The following NHSL1 variants were observed in gnomAD, a reference collection of about 807,000 sequenced individuals.
NHSL1 encodes the protein NHS-like protein 1.
In NHSL1, 48 loss-of-function variants were observed where a neutral mutation model predicts 95.0. That is an observed-to-expected ratio of 0.51 (90% CI 0.40 to 0.64). The LOEUF (loss-of-function observed/expected upper bound fraction) is 0.64, where lower values mean the gene tolerates loss of function less well. Among genes scored for constraint, NHSL1 ranks in the 30% least tolerant of loss-of-function variants. The probability of loss-of-function intolerance (pLI) is 0.00; values close to 1 mark genes in which losing one functional copy is unlikely to be tolerated. For missense variants in NHSL1, 1,971 were observed against 2,077.7 expected, an observed-to-expected ratio of 0.95 and a Z score of 1.00; for synonymous variants, 783 against 833.9, an observed-to-expected ratio of 0.94 and a Z score of 1.05.
In NHSL1 at chr6:138,437,315, T is replaced by C. The variant is rs199670558; in HGVS notation, c.665-3635A>G. 1.1e-3 allele frequency among the ~76,000 whole-genome samples: 77 copies of C among 70,718 alleles called. 3 individuals carry two copies. Among genetic ancestry groups the C allele is most frequent in the African/African-American group, 2.3e-3 (36 of 15,788 alleles). The allele number at this position is 70,718 out of a possible 152,430, so 46.4% of individuals were successfully genotyped here. ...ACAAATGTATATATATATATATATA[T>C]ATATACACACACACATATATATATA... On this transcript the variant is annotated intron_variant, in intron 5 of 7. Transcript: ENST00000343505.
At chr6:138,564,067 A>T (rs1030410348) in intron 1 of NHSL1, among the ~76,000 whole-genome samples, 8 of 150,610 alleles carry the variant, frequency 5.3e-5, no homozygotes, top group African/African-American at 1.5e-4. Context: ...CCCTGATCAA[A>T]TTTTTTTTTT....
chr6:138,576,425 G>A (rs949830448), upstream of NHSL1, among the ~76,000 whole-genome samples: 1 of 152,302 alleles, frequency 6.6e-6, no homozygotes, highest in Non-Finnish European at 1.5e-5. Flanking sequence ...GTCCCCATGT[G>A]AGACAGACGT....
chr6:138,424,868 T>A lies in NHSL1; in HGVS notation c.4086-52A>T. On this transcript the variant is annotated intron_variant, in intron 7 of 7. Coordinates refer to ENST00000343505, the MANE Select transcript of NHSL1 (RefSeq NM_001144060.2). The surrounding 1 kb of genome is among the most constrained non-coding windows in gnomAD (Gnocchi z 5.9). ...GGTTAATTCCCACGGGACCACAGGC[T>A]GTCAGCCACAACCACTCTGCTCTTA... 6.9e-7 allele frequency: 1 copy of A among 1,447,998 alleles called. No individual in the cohort carries two copies. The highest frequency in any genetic ancestry group is 9.3e-7 in the Non-Finnish European group (1 of 1,070,408). The allele number at this position is 1,447,998 out of a possible 1,614,324, so 89.7% of individuals were successfully genotyped here.
intron 4 of NHSL1, among the ~76,000 whole-genome samples, chr6:138,445,317 T>C (rs1776797299): frequency 6.6e-6 from 1 of 152,180 alleles, no homozygotes; most frequent in Admixed American, 6.5e-5. Context: ...ATCAATCAAA[T>C]AATGTAATTC....
At position 138,447,196 on chromosome 6, in the gene NHSL1, G is replaced by T; in HGVS notation, c.340-3C>A. On this transcript the variant is annotated splice_region_variant and splice_polypyrimidine_tract_variant and intron_variant, in intron 3 of 7. Transcript: ENST00000343505. ...TCTTCTGATGAAGACAGAGAACACT[G>T]CAGAGAAAAAAGAAGCAGCAGCCAC... The T allele has an allele frequency of 6.5e-7, 1 of 1,549,342 alleles. No homozygotes were observed. Among genetic ancestry groups the T allele is most frequent in the Non-Finnish European group, 8.7e-7 (1 of 1,146,250 alleles).
At position 138,658,017 on chromosome 6, in the gene NHSL1, C is replaced by A. The variant is rs182762572; in HGVS notation, c.96+34459G>T. Among the ~76,000 whole-genome samples, 10 of 151,932 alleles carry A rather than the reference C, an allele frequency of 6.6e-5. No homozygotes were observed. In the East Asian group the frequency reaches 1.5e-3, roughly 23 times the overall value. On this transcript the variant is annotated intron_variant, in intron 1 of 3. Transcript: ENST00000491526. ...AGTGATGAGGAAATTGTAAAACTATCTTGGCAGAAATCTTTTGCTATCTAC... is the reference window on the plus strand; with the variant it reads ...AGTGATGAGGAAATTGTAAAACTATATTGGCAGAAATCTTTTGCTATCTAC...
intron 1 of NHSL1, among the ~76,000 whole-genome samples, chr6:138,523,627 GAAAAAAAA>G (rs67335375): frequency 1.4e-4 from 9 of 64,892 alleles, no homozygotes; most frequent in East Asian, 3.8e-4. Context: ...TTTTAAAGAG[GAAAAAAAA>G]AAAAAAAAAA....
chr6:138,674,139 G>A (rs916396708), intron 1 of NHSL1, among the ~76,000 whole-genome samples: 2 of 151,900 alleles, frequency 1.3e-5, no homozygotes, highest in African/African-American at 4.8e-5. Context: ...AGTAAAAAAA[G>A]CAACAAATTT....
At chr6:138,437,810 A>G (rs1776285784) in intron 5 of NHSL1, among the ~76,000 whole-genome samples, 1 of 152,214 alleles carries the variant, frequency 6.6e-6, no homozygotes, top group African/African-American at 2.4e-5. Context: ...AAGTGAAGGA[A>G]GTGACTCCAG....
intron 1 of NHSL1, among the ~76,000 whole-genome samples, chr6:138,509,783 G>A (rs1402510819): frequency 6.6e-6 from 1 of 152,084 alleles, no homozygotes; most frequent in East Asian, 1.9e-4. Flanking sequence ...AAAAAGATTT[G>A]TGAATATTCA....
intron 1 of NHSL1, among the ~76,000 whole-genome samples, chr6:138,670,928 G>A (rs1364093758): frequency 2.0e-5 from 3 of 152,122 alleles, no homozygotes; most frequent in Non-Finnish European, 2.9e-5. Flanking sequence ...GGCTGAGGAG[G>A]AAGGATTGCT....
intron 1 of NHSL1, among the ~76,000 whole-genome samples, chr6:138,672,803 G>C (rs774155527): frequency 2.0e-4 from 31 of 152,166 alleles, no homozygotes; most frequent in Non-Finnish European, 1.8e-4. Flanking sequence ...CAGATCACGA[G>C]GTCAGGAAAT....
At chr6:138,466,698 T>C (rs1463127661) in intron 3 of NHSL1, among the ~76,000 whole-genome samples, 1 of 152,140 alleles carries the variant, frequency 6.6e-6, no homozygotes, top group Non-Finnish European at 1.5e-5. Flanking sequence ...GTTGCAGCCA[T>C]CATAACACAG....
At chr6:138,617,381 C>T (rs572271603) in intron 1 of NHSL1, among the ~76,000 whole-genome samples, 23 of 152,132 alleles carry the variant, frequency 1.5e-4, no homozygotes, top group Non-Finnish European at 2.6e-4. Flanking sequence ...GCATTCTCCA[C>T]GCCCTAATGA....
At chr6:138,582,780 T>A (rs1027133382) in intron 1 of NHSL1, among the ~76,000 whole-genome samples, 1 of 152,168 alleles carries the variant, frequency 6.6e-6, no homozygotes, top group Non-Finnish European at 1.5e-5. Flanking sequence ...TGACTCTTTA[T>A]CTCCTCCATC....
chr6:138,484,040 G>T (rs1408822048), intron 2 of NHSL1, among the ~76,000 whole-genome samples: 1 of 152,208 alleles, frequency 6.6e-6, no homozygotes, highest in East Asian at 1.9e-4. Context: ...TGAGTAATAA[G>T]AGGATGAGAG....
In NHSL1 at chr6:138,562,433, G is replaced by A. The variant is rs141931531; in HGVS notation, c.202+9277C>T. On this transcript the variant is annotated intron_variant, in intron 1 of 6. Transcript: ENST00000427025. ...AGGCTGAGGCGGGTGGATCACCTGA[G>A]GTCAGGAGTTTGAGACCAGCCTGGC... Among the ~76,000 whole-genome samples the A allele has an allele frequency of 8.7e-3, 1,325 of 152,220 alleles. 20 individuals are homozygous for A. The highest frequency in any genetic ancestry group is 0.031 in the African/African-American group (1,268 of 41,532).
At chr6:138,596,212 A>G (rs1166382114) in intron 1 of NHSL1, among the ~76,000 whole-genome samples, 1 of 152,150 alleles carries the variant, frequency 6.6e-6, no homozygotes, top group Non-Finnish European at 1.5e-5. Context: ...CACGCTGCTG[A>G]AACCCACTGG....
At chr6:138,442,801 A>G (rs1420351120) in intron 4 of NHSL1, among the ~76,000 whole-genome samples, 1 of 152,178 alleles carries the variant, frequency 6.6e-6, no homozygotes, top group Non-Finnish European at 1.5e-5. Context: ...ATTTCAAGTG[A>G]TTTTGCAATC....
Sources: gnomAD v4.1 joint callset for allele counts (sites outside exome capture counted in the v4.1 genomes callset) on GRCh38, gnomAD v4.1.1 for gene constraint, Gnocchi (gnomAD v3.1) non-coding constraint, MANE v1.5 for transcripts, NCBI Gene and HGNC (gene_info 2026-07-23, HGNC 2026-07-21) for gene names.